The following DDX19B variants were observed in gnomAD, a reference collection of about 807,000 sequenced individuals.
DDX19B encodes DEAD-box helicase 19B.
DDX19B carries 27 observed loss-of-function variants against 58.1 expected under a neutral mutation model. That is an observed-to-expected ratio of 0.46 (90% CI 0.34 to 0.64). The LOEUF (loss-of-function observed/expected upper bound fraction) is 0.64, where lower values mean the gene tolerates loss of function less well. Ranked by LOEUF, DDX19B falls within the 30% of genes least tolerant of loss-of-function variation. The pLI is 0.01. For synonymous variants in DDX19B, 187 were observed against 214.4 expected (o/e 0.87, Z 1.12); for missense variants, 399 against 596.5 (o/e 0.67, Z 3.45).
chr16:70,331,793 G>T lies in DDX19B; in HGVS notation c.1095G>T (p.Gly365=), dbSNP rs199678174. Reference sequence around the variant, plus strand: ...GCCACCAGGTGGCTCTGCTGAGTGGGGAGATGATGGTGGAACAGAGGGCTG... The same window carrying T: ...GCCACCAGGTGGCTCTGCTGAGTGGTGAGATGATGGTGGAACAGAGGGCTG... ...KEGHQVALLS[G]EMMVEQRAAV... Residue 365 remains glycine (G), a synonymous_variant, in exon 10 of 12, where the codon GGG becomes GGT. Transcript: ENST00000288071. 9 of 1,614,228 alleles carry T rather than the reference G, an allele frequency of 5.6e-6. No homozygotes were observed. In the Admixed American group the frequency reaches 1.0e-4, roughly 18 times the overall value.
chr16:70,333,276 C>T (rs940061051), intron 11 of DDX19B, 117 bp downstream of exon 11: 12 of 760,972 alleles, frequency 1.6e-5, no homozygotes, highest in African/African-American at 1.8e-5. Flanking sequence ...CACTCCCCTC[C>T]TTTCTGACCA....
chr16:70,315,192 C>T (rs1403089695), intron 3 of DDX19B, among the ~76,000 whole-genome samples: 6 of 146,470 alleles, frequency 4.1e-5, no homozygotes, highest in Non-Finnish European at 8.9e-5. Context: ...CTGGCTAACA[C>T]GGTGAAAACC....
At chr16:70,294,038 T>C (rs1355820817), upstream of DDX19B, among the ~76,000 whole-genome samples, 7 of 151,238 alleles carry the variant, frequency 4.6e-5, no homozygotes, top group East Asian at 3.9e-4. Context: ...TATTGCTAAA[T>C]TGAATAGGTC....
upstream of DDX19B, among the ~76,000 whole-genome samples, chr16:70,295,297 TTTTTG>T (rs1320988549): frequency 1.3e-5 from 2 of 152,204 alleles, no homozygotes; most frequent in African/African-American, 4.8e-5. Flanking sequence ...GTTTTTTTGT[TTTTTG>T]TTTTGTTTTG....
At chr16:70,320,049 TTA>T (rs975825956) in intron 5 of DDX19B, among the ~76,000 whole-genome samples, 3 of 152,178 alleles carry the variant, frequency 2.0e-5, no homozygotes, top group African/African-American at 4.8e-5. Flanking sequence ...GGAGTATTTA[TTA>T]CATGGTTTCA....
At chr16:70,302,049 T>G (rs1597463827) in intron 1 of DDX19B, among the ~76,000 whole-genome samples, 1 of 151,746 alleles carries the variant, frequency 6.6e-6, no homozygotes, top group East Asian at 1.9e-4. Flanking sequence ...GCCTCCCGAG[T>G]AGCTGGGATT....
intron 6 of DDX19B, among the ~76,000 whole-genome samples, chr16:70,325,106 C>G (rs2152209372): frequency 6.6e-6 from 1 of 152,256 alleles, no homozygotes; most frequent in Middle Eastern, 3.4e-3. Context: ...AACTGAAACT[C>G]CTTAAATTGA....
chr16:70,295,450 A>AT (rs1555544525), upstream of DDX19B, among the ~76,000 whole-genome samples: 1,526 of 142,944 alleles, frequency 0.011, 6 homozygotes, highest in African/African-American at 0.022. Context: ...CTTAAAAAAA[A>AT]TTTTTTTTTT....
In DDX19B at chr16:70,320,671, A is replaced by C. The variant is rs550634204; in HGVS notation, c.389+3083A>C. On this transcript the variant is annotated intron_variant, in intron 5 of 11. Transcript: ENST00000288071. ...CTGGATCAAGTAATTCTCCTGCCTC[A>C]GCCTCCGGAGTAGCTGGGATTACAG... is the stretch of plus-strand genomic sequence containing the variant. Among the ~76,000 whole-genome samples, 14 of 150,384 alleles carry C rather than the reference A, an allele frequency of 9.3e-5. No homozygotes were observed. In the East Asian group the frequency reaches 2.4e-3, roughly 26 times the overall value.
chr16:70,317,796 T>G (rs963178339), intron 5 of DDX19B: 5 of 344,620 alleles, frequency 1.5e-5, no homozygotes, highest in Non-Finnish European at 2.2e-5. Context: ...CGTTATAAAC[T>G]TGGCCAGGCA....
chr16:70,330,786 G>A (rs1963442657), intron 9 of DDX19B, among the ~76,000 whole-genome samples: 1 of 151,976 alleles, frequency 6.6e-6, no homozygotes. Flanking sequence ...GCTCACGCCT[G>A]TAATCCCAGC....
intron 2 of DDX19B, 52 bp downstream of exon 2, chr16:70,312,709 T>C (rs745920247): frequency 2.2e-4 from 331 of 1,539,246 alleles, no homozygotes; most frequent in Non-Finnish European, 2.4e-4. Flanking sequence ...TTCAGTATTT[T>C]TGTTTTGGCA....
At chr16:70,332,387 G>A (rs974059485) in intron 10 of DDX19B, among the ~76,000 whole-genome samples, 3 of 152,076 alleles carry the variant, frequency 2.0e-5, no homozygotes, top group Admixed American at 6.6e-5. Context: ...TGTAACCTCC[G>A]CCTCTCAGGT....
chr16:70,305,851 C>T (rs1961721306), intron 1 of DDX19B, among the ~76,000 whole-genome samples: 1 of 151,834 alleles, frequency 6.6e-6, no homozygotes, highest in African/African-American at 2.4e-5. Context: ...AGCTCCACCT[C>T]CTGGGTTCAC....
At chr16:70,310,923 C>T (rs1198557969) in intron 1 of DDX19B, among the ~76,000 whole-genome samples, 2 of 151,096 alleles carry the variant, frequency 1.3e-5, no homozygotes, top group Non-Finnish European at 2.9e-5. Context: ...CCCAGCTACT[C>T]CGGAGGCTGA....
intron 9 of DDX19B, among the ~76,000 whole-genome samples, chr16:70,330,958 T>A (rs539078335): frequency 2.0e-5 from 3 of 151,992 alleles, no homozygotes; most frequent in Admixed American, 6.6e-5. Context: ...GATGGGAGGA[T>A]TGATTGAGCC....
intron 1 of DDX19B, among the ~76,000 whole-genome samples, chr16:70,303,128 GT>G (rs1350715848): frequency 1.3e-5 from 2 of 151,906 alleles, no homozygotes; most frequent in African/African-American, 2.4e-5. Context: ...TAGAAGTTCT[GT>G]TTTTTGTTTT....
At chr16:70,326,279 A>T (rs1484838570) in intron 7 of DDX19B, among the ~76,000 whole-genome samples, 1 of 152,170 alleles carries the variant, frequency 6.6e-6, no homozygotes, top group African/African-American at 2.4e-5. Context: ...GATTGAGACC[A>T]TCCTAGCTAT....
At position 70,334,012 on chromosome 16, in the gene DDX19B, C is replaced by T. The variant is rs1963615064; in HGVS notation, c.*430C>T. On this transcript the variant is annotated 3_prime_UTR_variant, in exon 12 of 12. Transcript: ENST00000288071. Reference sequence around the variant, plus strand: ...AAAGGGAACACAGAGAGGGAGGCTTCCAGTAAGATAGGTGTGTAAGCCCAG... The same window carrying T: ...AAAGGGAACACAGAGAGGGAGGCTTTCAGTAAGATAGGTGTGTAAGCCCAG... The T allele has an allele frequency of 4.3e-6, 1 of 233,026 alleles. No homozygotes were observed. Among genetic ancestry groups the T allele is most frequent in the Non-Finnish European group, 8.5e-6 (1 of 118,228 alleles). The allele number at this position is 233,026 out of a possible 1,614,324, so 14.4% of individuals were successfully genotyped here. A position where few individuals can be genotyped will look rare whatever the true frequency, so the allele number is the denominator to read the frequency against.
Sources: gnomAD v4.1 joint callset for allele counts (sites outside exome capture counted in the v4.1 genomes callset) on GRCh38, gnomAD v4.1.1 for gene constraint, MANE v1.5 for transcripts, NCBI Gene and HGNC (gene_info 2026-07-23, HGNC 2026-07-21) for gene names.